The following PPM1H variants were observed in gnomAD, a reference collection of about 807,000 sequenced individuals.
PPM1H encodes protein phosphatase, Mg2+/Mn2+ dependent 1H, also known as protein phosphatase 1H.
A neutral mutation model predicts 54.9 loss-of-function variants in PPM1H; 27 were observed. The observed-to-expected ratio is 0.49, with a 90% CI of 0.36 to 0.68. PPM1H has a LOEUF of 0.68. Ranked by LOEUF, PPM1H falls within the 30% of genes least tolerant of loss-of-function variation. The pLI is 0.00. For synonymous variants in PPM1H, 305 were observed against 270.8 expected, an observed-to-expected ratio of 1.13 and a Z score of -1.24; for missense variants, 596 against 667.8, an observed-to-expected ratio of 0.89 and a Z score of 1.19.
At chr12:62,903,196 T>C (rs1871209519) in intron 1 of PPM1H, among the ~76,000 whole-genome samples, 1 of 152,200 alleles carries the variant, frequency 6.6e-6, no homozygotes, top group African/African-American at 2.4e-5. Context: ...TTGAAGTAGC[T>C]GGTGCAGTTC....
chr12:62,932,628 C>CTTTTTGTTTTTTTTT (rs1872177445), intron 1 of PPM1H, among the ~76,000 whole-genome samples: 1 of 54,012 alleles, frequency 1.9e-5, no homozygotes, highest in Non-Finnish European at 3.2e-5. Flanking sequence ...TCCAAATGGG[C>CTTTTTGTTTTTTTTT]TTTTTTTTTT....
At chr12:62,763,673 C>T (rs1284222005) in intron 4 of PPM1H, among the ~76,000 whole-genome samples, 1 of 152,210 alleles carries the variant, frequency 6.6e-6, no homozygotes, top group African/African-American at 2.4e-5. Flanking sequence ...TAAACATTTA[C>T]TAGAGGTGCA....
At chr12:62,827,577 G>T (rs1326344232) in intron 2 of PPM1H, among the ~76,000 whole-genome samples, 3 of 152,102 alleles carry the variant, frequency 2.0e-5, no homozygotes, top group Non-Finnish European at 2.9e-5. Flanking sequence ...CCCTTGTGAT[G>T]CCTGCTTACT....
chr12:62,716,064 C>T (rs1004565909), intron 6 of PPM1H, among the ~76,000 whole-genome samples: 1 of 152,162 alleles, frequency 6.6e-6, no homozygotes, highest in African/African-American at 2.4e-5. Flanking sequence ...AGTCAGAAAC[C>T]TGGATTCTAG....
At chr12:62,791,316 C>T (rs1447316302) in intron 3 of PPM1H, among the ~76,000 whole-genome samples, 1 of 152,072 alleles carries the variant, frequency 6.6e-6, no homozygotes, top group Non-Finnish European at 1.5e-5. Context: ...GAAGAATTAT[C>T]TCAAGCAAAT....
intron 5 of PPM1H, among the ~76,000 whole-genome samples, chr12:62,721,323 A>G (rs989186067): frequency 2.6e-5 from 4 of 152,170 alleles, no homozygotes; most frequent in African/African-American, 9.7e-5. Context: ...TCAGGAACCA[A>G]AGGAAGGAAG....
At position 62,679,904 on chromosome 12, in the gene PPM1H, C is replaced by T. The variant is rs190240793; in HGVS notation, c.1245+9795G>A. On this transcript the variant is annotated intron_variant, in intron 8 of 9. Transcript: ENST00000228705. Reference sequence around the variant, plus strand: ...AACTCATCAACTTATATTACTTAGTCCTGGAAAGACAGATGATTATTACTT... The same window carrying T: ...AACTCATCAACTTATATTACTTAGTTCTGGAAAGACAGATGATTATTACTT... Among the ~76,000 whole-genome samples the T allele has an allele frequency of 3.9e-5, 6 of 152,260 alleles. No homozygotes were observed. In the East Asian group the frequency reaches 9.6e-4, roughly 24 times the overall value.
At chr12:62,833,902 AAGG>A (rs201357073) in intron 1 of PPM1H, among the ~76,000 whole-genome samples, 3,015 of 152,200 alleles carry the variant, frequency 0.02, 93 homozygotes, top group African/African-American at 0.069. Context: ...CATTGATTGG[AAGG>A]AGAATTTTTT....
chr12:62,909,901 A>C (rs1871404772), intron 1 of PPM1H, among the ~76,000 whole-genome samples: 1 of 152,238 alleles, frequency 6.6e-6, no homozygotes, highest in Non-Finnish European at 1.5e-5. Context: ...TATAATGAAT[A>C]CCATTGTGGA....
intron 1 of PPM1H, among the ~76,000 whole-genome samples, chr12:62,862,634 A>G (rs943957133): frequency 6.6e-6 from 1 of 152,242 alleles, no homozygotes; most frequent in Non-Finnish European, 1.5e-5. Context: ...TTTAACAGAT[A>G]TGTACAGACA....
chr12:62,770,051 CAGT>C (rs1309833691), intron 4 of PPM1H, among the ~76,000 whole-genome samples: 2 of 150,240 alleles, frequency 1.3e-5, no homozygotes, highest in Non-Finnish European at 3.0e-5. Flanking sequence ...AAAGGAAAGG[CAGT>C]TTCTTGCATG....
intron 4 of PPM1H, chr12:62,755,241 C>A: frequency 1.4e-6 from 1 of 717,992 alleles, no homozygotes; most frequent in South Asian, 1.4e-5. Flanking sequence ...AGGTGAAGAT[C>A]AAAGTCAATG....
At chr12:62,757,299 A>G (rs2076482498) in intron 4 of PPM1H, among the ~76,000 whole-genome samples, 1 of 152,182 alleles carries the variant, frequency 6.6e-6, no homozygotes, top group South Asian at 2.1e-4. Context: ...TTTTGCTGGG[A>G]TTAGTTATGC....
chr12:62,703,647 CA>C (rs945463130), intron 6 of PPM1H, among the ~76,000 whole-genome samples: 4 of 152,074 alleles, frequency 2.6e-5, no homozygotes, highest in African/African-American at 4.8e-5. Flanking sequence ...TGGACAGGAA[CA>C]GACATAAGCC....
chr12:62,911,207 C>T (rs887127467), intron 1 of PPM1H, among the ~76,000 whole-genome samples: 1 of 152,136 alleles, frequency 6.6e-6, no homozygotes, highest in African/African-American at 2.4e-5. Context: ...CTGAGTGGGG[C>T]TAGCAAAAAT....
At chr12:62,839,878 A>AAAAAAAAAAAAC (rs1868662374) in intron 1 of PPM1H, among the ~76,000 whole-genome samples, 1 of 150,248 alleles carries the variant, frequency 6.7e-6, no homozygotes, top group Non-Finnish European at 1.5e-5. Context: ...TTTCTACAAA[A>AAAAAAAAAAAAC]AAAAAAAAAA....
intron 1 of PPM1H, among the ~76,000 whole-genome samples, chr12:62,888,814 C>A (rs762767394): frequency 2.6e-5 from 4 of 152,148 alleles, no homozygotes; most frequent in Non-Finnish European, 5.9e-5. Flanking sequence ...TTGATCCCCA[C>A]AATTAAGTCC....
rs1401050605 is a variant in PPM1H at position 62,646,705 on chromosome 12, C to G, written c.*1784G>C. ...AAGTCCCATTCTTCCCAGGCCAACA[C>G]TTGCACAAACACCTGGTGGCGTGAA... On this transcript the variant is annotated 3_prime_UTR_variant, in exon 10 of 10. Coordinates refer to ENST00000228705, the MANE Select transcript of PPM1H (RefSeq NM_020700.2). 6.6e-6 allele frequency: 1 copy of G among 152,302 alleles called. No homozygotes were observed. Among genetic ancestry groups the G allele is most frequent in the Non-Finnish European group, 1.5e-5 (1 of 68,074 alleles). The allele number at this position is 152,302 out of a possible 1,614,324, so 9.4% of individuals were successfully genotyped here.
chr12:62,710,488 C>T (rs1252182740), intron 6 of PPM1H, among the ~76,000 whole-genome samples: 1 of 148,500 alleles, frequency 6.7e-6, no homozygotes, highest in East Asian at 2.0e-4. Flanking sequence ...GCTGAGATCA[C>T]ACCACTGCAC....
Sources: gnomAD v4.1 joint callset for allele counts (sites outside exome capture counted in the v4.1 genomes callset) on GRCh38, gnomAD v4.1.1 for gene constraint, MANE v1.5 for transcripts, NCBI Gene and HGNC (gene_info 2026-07-23, HGNC 2026-07-21) for gene names.